The following SGCZ variants were observed in gnomAD, a reference collection of about 807,000 sequenced individuals.
SGCZ encodes sarcoglycan zeta.
Under a neutral mutation model 41.3 loss-of-function variants are expected in SGCZ, and 40 were observed. That is an observed-to-expected ratio of 0.97 (90% CI 0.75 to 1.26). SGCZ has a LOEUF of 1.26. SGCZ is among the 50% of genes most tolerant of loss of function. The pLI is 0.00. For missense variants in SGCZ, 552 were observed against 369.8 expected (o/e 1.49, Z -4.04); for synonymous variants, 206 against 137.5 (o/e 1.50, Z -3.49).
intron 3 of SGCZ, among the ~76,000 whole-genome samples, chr8:14,289,869 T>G (rs1030273486): frequency 4.0e-5 from 6 of 150,514 alleles, no homozygotes; most frequent in Non-Finnish European, 7.4e-5. Flanking sequence ...TGACTTACAG[T>G]TGTGCATAGC....
intron 1 of SGCZ, among the ~76,000 whole-genome samples, chr8:15,141,833 G>A (rs147244585): frequency 1.6e-3 from 236 of 151,754 alleles, no homozygotes; most frequent in African/African-American, 5.3e-3. Context: ...CCCAGGAAGC[G>A]GAGATTGCAG....
intron 1 of SGCZ, among the ~76,000 whole-genome samples, chr8:14,675,353 C>G (rs1043726611): frequency 7.2e-5 from 11 of 151,776 alleles, no homozygotes; most frequent in Admixed American, 3.3e-4. Context: ...ACATTTCTCT[C>G]TTTAGAATGT....
intron 2 of SGCZ, among the ~76,000 whole-genome samples, chr8:14,410,400 G>GA (rs112663668): frequency 0.054 from 7,902 of 145,630 alleles, 300 homozygotes; most frequent in Middle Eastern, 0.12. Context: ...AATAATTTAA[G>GA]AAAAAAAAAA....
rs1806815289 is a variant in SGCZ at position 14,237,640 on chromosome 8, C to G, written c.376G>C (p.Val126Leu). 1 of 1,613,934 alleles carries G rather than the reference C, an allele frequency of 6.2e-7. No individual in the cohort carries two copies. Among genetic ancestry groups the G allele is most frequent in the Non-Finnish European group, 8.5e-7 (1 of 1,179,864 alleles). Residue 126 changes from valine (V) to leucine (L), a missense_variant, in exon 4 of 8, where the codon GTG becomes CTG. Val to Leu is a conservative substitution (Grantham distance 32). Coordinates refer to ENST00000382080, the MANE Select transcript of SGCZ (RefSeq NM_139167.4). ...TGCCCCATGTGATTTCTTGCATTCA[C>G]TGTGACATTCCTGTCAGACTGTAAG... ...LVLQSDRNVT[V>L]NARNHMGQLT...
chr8:14,223,479 T>C (rs1324191141), intron 4 of SGCZ, among the ~76,000 whole-genome samples: 1 of 152,212 alleles, frequency 6.6e-6, no homozygotes, highest in African/African-American at 2.4e-5. Context: ...ATTCAATTAA[T>C]AGAATTCAAT....
chr8:15,115,259 C>T (rs983553827), intron 1 of SGCZ, among the ~76,000 whole-genome samples: 6 of 152,008 alleles, frequency 3.9e-5, no homozygotes, highest in Non-Finnish European at 8.8e-5. Context: ...AGAAGAGGCA[C>T]GTTTGTTTCT....
chr8:14,563,234 C>T (rs1025676226), intron 1 of SGCZ, among the ~76,000 whole-genome samples: 13 of 152,164 alleles, frequency 8.5e-5, no homozygotes, highest in Non-Finnish European at 1.5e-4. Flanking sequence ...AGTAAAAGTA[C>T]AGTCTTCACC....
chr8:14,306,660 C>T (rs1801361322), intron 3 of SGCZ, among the ~76,000 whole-genome samples: 1 of 151,772 alleles, frequency 6.6e-6, no homozygotes, highest in Non-Finnish European at 1.5e-5. Context: ...GCAACAATGA[C>T]ACTGTGTCAT....
intron 1 of SGCZ, among the ~76,000 whole-genome samples, chr8:14,624,124 T>C (rs1264844947): frequency 6.6e-6 from 1 of 152,192 alleles, no homozygotes; most frequent in Admixed American, 6.5e-5. Context: ...CCTTAAAAGA[T>C]TCAACAAGTT....
intron 2 of SGCZ, among the ~76,000 whole-genome samples, chr8:14,379,805 C>T (rs1421625236): frequency 1.3e-5 from 2 of 152,040 alleles, no homozygotes; most frequent in Non-Finnish European, 2.9e-5. Flanking sequence ...GATCTCAGCA[C>T]ACTGCAGCCT....
At chr8:14,904,761 A>C (rs563999473) in intron 1 of SGCZ, among the ~76,000 whole-genome samples, 4 of 152,098 alleles carry the variant, frequency 2.6e-5, no homozygotes, top group African/African-American at 9.6e-5. Context: ...TTCTAAGGCT[A>C]TCTGGGTTTT....
rs890096092 is a variant in SGCZ at position 14,725,938 on chromosome 8, C to CT, written c.40-171013dup. ...AAATATATAGAAATATAAAAATTTGCTTTTTTTTCACTTATTAAAGTAAAA... is the reference window on the plus strand; with the variant it reads ...AAATATATAGAAATATAAAAATTTGCTTTTTTTTTCACTTATTAAAGTAAAA... On this transcript the variant is annotated intron_variant, in intron 1 of 7. Coordinates refer to ENST00000382080, the MANE Select transcript of SGCZ (RefSeq NM_139167.4). Among the ~76,000 whole-genome samples, 7 of 151,812 alleles carry CT rather than the reference C, an allele frequency of 4.6e-5. 1 individual carries two copies. The highest frequency in any genetic ancestry group is 3.3e-4 in the Admixed American group (5 of 15,238).
rs552598464 is a variant in SGCZ at position 14,459,017 on chromosome 8, C to A, written c.234+95715G>T. On this transcript the variant is annotated intron_variant, in intron 2 of 7. Transcript: ENST00000382080. ...AGATTTCATTTGTCAAACTGGGCAC[C>A]CTCTCATCAGCAAAATTAATAAAGA... is the stretch of plus-strand genomic sequence containing the variant. Among the ~76,000 whole-genome samples the A allele has an allele frequency of 3.3e-4, 50 of 152,102 alleles. 1 individual carries two copies. Among genetic ancestry groups the A allele is most frequent in the African/African-American group, 1.2e-3 (48 of 41,480 alleles).
chr8:14,664,771 T>A (rs1418038323), intron 1 of SGCZ, among the ~76,000 whole-genome samples: 1 of 152,192 alleles, frequency 6.6e-6, no homozygotes, highest in African/African-American at 2.4e-5. Flanking sequence ...ATAATTTGAA[T>A]TCTGTGAACA....
chr8:14,919,495 T>C (rs1046415441), intron 1 of SGCZ, among the ~76,000 whole-genome samples: 1 of 152,182 alleles, frequency 6.6e-6, no homozygotes, highest in Non-Finnish European at 1.5e-5. Flanking sequence ...TGATACATAT[T>C]GTTCTTTGCT....
intron 1 of SGCZ, among the ~76,000 whole-genome samples, chr8:14,789,426 A>T (rs1800877427): frequency 6.6e-6 from 1 of 152,304 alleles, no homozygotes; most frequent in East Asian, 1.9e-4. Flanking sequence ...TTTGTGTTTC[A>T]AATAAATTTC....
intron 1 of SGCZ, among the ~76,000 whole-genome samples, chr8:14,986,751 A>G (rs1335043711): frequency 2.0e-5 from 3 of 152,128 alleles, no homozygotes; most frequent in South Asian, 2.1e-4. Flanking sequence ...TTCTCCATGT[A>G]AAAGTGAGCT....
chr8:15,091,558 C>T (rs1364443910), intron 1 of SGCZ, among the ~76,000 whole-genome samples: 2 of 152,060 alleles, frequency 1.3e-5, no homozygotes, highest in African/African-American at 4.8e-5. Context: ...AAATTAGAAT[C>T]ACCAAAGCAC....
chr8:14,201,750 T>C (rs1185858978), intron 4 of SGCZ, among the ~76,000 whole-genome samples: 1 of 152,142 alleles, frequency 6.6e-6, no homozygotes. Flanking sequence ...TATACTGAAG[T>C]AGGAAAATTT....
Sources: gnomAD v4.1 joint callset for allele counts (sites outside exome capture counted in the v4.1 genomes callset) on GRCh38, gnomAD v4.1.1 for gene constraint, MANE v1.5 for transcripts, NCBI Gene and HGNC (gene_info 2026-07-23, HGNC 2026-07-21) for gene names.